The following WNT3A variants were observed in gnomAD, a reference collection of about 807,000 sequenced individuals.
The protein encoded by WNT3A is protein Wnt-3a.
In WNT3A, 17 loss-of-function variants were observed where a neutral mutation model predicts 37.0. The observed-to-expected ratio is 0.46, with a 90% CI of 0.31 to 0.69. The LOEUF (loss-of-function observed/expected upper bound fraction) is 0.69. Ranked by LOEUF, WNT3A falls within the 30% of genes least tolerant of loss-of-function variation. The probability of loss-of-function intolerance (pLI) is 0.05; values close to 1 mark genes in which losing one functional copy is unlikely to be tolerated. For missense variants in WNT3A, 411 were observed against 510.2 expected (o/e 0.81, Z 1.87); for synonymous variants, 187 against 211.0 (o/e 0.89, Z 0.99).
At chr1:228,054,093 T>C (rs1337569956) in intron 3 of WNT3A, among the ~76,000 whole-genome samples, 2 of 152,116 alleles carry the variant, frequency 1.3e-5, no homozygotes, top group African/African-American at 2.4e-5. Context: ...AAGGGTGCCA[T>C]CTCTGGTAAA....
intron 1 of WNT3A, among the ~76,000 whole-genome samples, chr1:228,019,682 C>G (rs1041033235): frequency 6.6e-6 from 1 of 152,256 alleles, no homozygotes; most frequent in African/African-American, 2.4e-5. Flanking sequence ...ACAGCTCACA[C>G]TGAAGTCAGC....
chr1:228,043,013 AGATGGATGGATG>A (rs537700236), intron 2 of WNT3A, among the ~76,000 whole-genome samples: 1 of 149,622 alleles, frequency 6.7e-6, no homozygotes, highest in Non-Finnish European at 1.5e-5. Context: ...GGTAATGGAT[AGATGGATGGATG>A]GATGGATGGA....
rs2031230746 is a variant in WNT3A at position 228,039,689 on chromosome 1, G to C, written c.314-10967G>C. Among the ~76,000 whole-genome samples the C allele has an allele frequency of 6.6e-6, 1 of 152,146 alleles. No homozygotes were observed. The highest frequency in any genetic ancestry group is 1.5e-5 in the Non-Finnish European group (1 of 68,024). ...GATATAGGTGCCCCCCACCCCAGTT[G>C]AACTTGGGTCCCCAGGGCGGCCCTG... On this transcript the variant is annotated intron_variant, in intron 2 of 3. Coordinates refer to ENST00000284523, the MANE Select transcript of WNT3A (RefSeq NM_033131.4). The surrounding 1 kb of genome is among the most constrained non-coding windows in gnomAD (Gnocchi z 4.1).
intron 1 of WNT3A, among the ~76,000 whole-genome samples, chr1:228,016,880 T>A (rs2030548645): frequency 6.6e-6 from 1 of 151,982 alleles, no homozygotes; most frequent in Non-Finnish European, 1.5e-5. Context: ...GAGGGAGAAC[T>A]CCCTCATTAC....
chr1:228,045,634 T>C (rs1387017158), intron 2 of WNT3A, among the ~76,000 whole-genome samples: 3 of 152,104 alleles, frequency 2.0e-5, no homozygotes, highest in African/African-American at 4.8e-5. Context: ...CAAAGGCCCC[T>C]CCAGGCCTGT....
chr1:228,048,222 G>A (rs998019742), intron 2 of WNT3A, among the ~76,000 whole-genome samples: 3 of 152,188 alleles, frequency 2.0e-5, no homozygotes, highest in Non-Finnish European at 4.4e-5. Context: ...AGGGCCCATC[G>A]GAGCTCCCTT....
intron 1 of WNT3A, among the ~76,000 whole-genome samples, chr1:228,021,446 C>G (rs1382803073): frequency 1.3e-5 from 2 of 152,162 alleles, no homozygotes; most frequent in Non-Finnish European, 2.9e-5. Context: ...TGAGCTCAGA[C>G]TGGGGGATGC....
intron 3 of WNT3A, among the ~76,000 whole-genome samples, chr1:228,053,844 T>C (rs1373748183): frequency 1.3e-5 from 2 of 152,218 alleles, no homozygotes; most frequent in Admixed American, 1.3e-4. Context: ...TGTAAAATTT[T>C]GTATATTTTG....
intron 2 of WNT3A, among the ~76,000 whole-genome samples, chr1:228,025,211 G>C (rs573065367): frequency 6.6e-6 from 1 of 152,168 alleles, no homozygotes; most frequent in East Asian, 1.9e-4. Context: ...AAAAAATGCT[G>C]CTGGGATTTT....
At position 228,059,230 on chromosome 1, in the gene WNT3A, A is replaced by C; in HGVS notation, c.824A>C (p.Glu275Ala). Reference protein sequence around the residue: ...VPTERDLVYYEASPNFCEPNP... With the variant: ...VPTERDLVYYAASPNFCEPNP... The stretch of plus-strand genomic sequence containing the variant: ...ACGGAGCGCGACCTGGTCTACTACG[A>C]GGCCTCGCCCAACTTCTGCGAGCCC... The change falls in exon 4 of 4, where the codon GAG (glutamate) becomes GCG (alanine). Residue 275 changes from glutamate (E) to alanine (A), a missense_variant. Glu to Ala is a moderately radical substitution (Grantham distance 107, BLOSUM62 -1). Transcript: ENST00000284523. The C allele has an allele frequency of 1.9e-6, 3 of 1,610,664 alleles. No homozygotes were observed. Among genetic ancestry groups the C allele is most frequent in the Non-Finnish European group, 2.5e-6 (3 of 1,179,662 alleles).
rs1294929700 is a variant in WNT3A at position 228,007,265 on chromosome 1, G to C, written c.71+66G>C. 39 of 1,506,464 alleles carry C rather than the reference G, an allele frequency of 2.6e-5. No individual in the cohort carries two copies. The highest frequency in any genetic ancestry group is 1.1e-4 in the African/African-American group (8 of 70,344). 93.3% of individuals were successfully genotyped at this position (1,506,464 alleles called of 1,614,324 possible). ...CGCGCCCGCAGCAGACGGTCCCCTC[G>C]GGCAGGGACCCCGCGGTGGCCCGAG... is the stretch of plus-strand genomic sequence containing the variant. On this transcript the variant is annotated intron_variant, in intron 1 of 3. Coordinates refer to ENST00000284523, the MANE Select transcript of WNT3A (RefSeq NM_033131.4). The surrounding 1 kb of genome is among the most constrained non-coding windows in gnomAD (Gnocchi z 6.0).
At chr1:228,035,195 T>A (rs745424407) in intron 2 of WNT3A, among the ~76,000 whole-genome samples, 6 of 152,114 alleles carry the variant, frequency 3.9e-5, no homozygotes, top group Non-Finnish European at 8.8e-5. Flanking sequence ...AACACACACA[T>A]ATGCAGTATT....
chr1:228,053,716 C>T (rs978057709), intron 3 of WNT3A, among the ~76,000 whole-genome samples: 2 of 152,108 alleles, frequency 1.3e-5, no homozygotes, highest in African/African-American at 4.8e-5. Flanking sequence ...ATTCCACTAC[C>T]TATACAAAAG....
At chr1:228,013,562 G>A (rs1041190347) in intron 1 of WNT3A, among the ~76,000 whole-genome samples, 4 of 152,314 alleles carry the variant, frequency 2.6e-5, no homozygotes, top group Admixed American at 1.3e-4. Flanking sequence ...GTGCGGGTTG[G>A]GAGAGCTCCA....
intron 1 of WNT3A, among the ~76,000 whole-genome samples, chr1:228,009,317 GGAA>G (rs1217686040): frequency 6.6e-6 from 1 of 152,172 alleles, no homozygotes; most frequent in African/African-American, 2.4e-5. Context: ...GGCAGCATAG[GGAA>G]GAAGACTCAC....
chr1:228,052,688 C>G (rs1193433695), intron 3 of WNT3A, among the ~76,000 whole-genome samples: 1 of 152,148 alleles, frequency 6.6e-6, no homozygotes, highest in Non-Finnish European at 1.5e-5. Context: ...GGATATTCAC[C>G]TTTTAACAGT....
chr1:228,043,438 T>C (rs1481080680), intron 2 of WNT3A, among the ~76,000 whole-genome samples: 1 of 152,228 alleles, frequency 6.6e-6, no homozygotes, highest in Non-Finnish European at 1.5e-5. Context: ...ACTCCGACAG[T>C]CCACTCTAAT....
chr1:228,053,075 G>A (rs192277339), intron 3 of WNT3A, among the ~76,000 whole-genome samples: 1 of 152,052 alleles, frequency 6.6e-6, no homozygotes, highest in Non-Finnish European at 1.5e-5. Flanking sequence ...TTACTTTCCT[G>A]CCATATGAGG....
intron 2 of WNT3A, 124 bp downstream of exon 2, chr1:228,023,032 C>T: frequency 7.0e-7 from 1 of 1,429,306 alleles, no homozygotes; most frequent in Non-Finnish European, 9.3e-7. Context: ...ACGCTGGGGT[C>T]CTTCCCGCTT....
Sources: gnomAD v4.1 joint callset for allele counts (sites outside exome capture counted in the v4.1 genomes callset) on GRCh38, gnomAD v4.1.1 for gene constraint, Gnocchi (gnomAD v3.1) non-coding constraint, MANE v1.5 for transcripts, NCBI Gene and HGNC (gene_info 2026-07-23, HGNC 2026-07-21) for gene names.